The following GULP1 variants were observed in gnomAD, a reference collection of about 807,000 sequenced individuals.
GULP1 encodes GULP PTB domain containing engulfment adaptor 1.
GULP1 carries 19 observed loss-of-function variants against 40.9 expected under a neutral mutation model. That is an observed-to-expected ratio of 0.46 (90% CI 0.32 to 0.68). The LOEUF (loss-of-function observed/expected upper bound fraction) is 0.68. GULP1 is among the 30% of genes least tolerant of loss of function. GULP1 has a pLI of 0.03. For missense variants in GULP1, 312 were observed against 362.2 expected (o/e 0.86, Z 1.12); for synonymous variants, 119 against 117.6 (o/e 1.01, Z -0.08).
intron 11 of GULP1, 141 bp from the exon 12 acceptor site, chr2:188,593,799 G>T: frequency 1.7e-6 from 1 of 583,752 alleles, no homozygotes; most frequent in Non-Finnish European, 3.1e-6. Flanking sequence ...TAAAAATTCA[G>T]CAAGTCAACA....
At chr2:188,546,510 A>T (rs1010239520) in intron 7 of GULP1, among the ~76,000 whole-genome samples, 7 of 152,084 alleles carry the variant, frequency 4.6e-5, no homozygotes, top group Admixed American at 4.6e-4. Flanking sequence ...TAATTTTGCG[A>T]ATTGAATAAA....
In GULP1 at chr2:188,329,246, G is replaced by A. The variant is rs185703870; in HGVS notation, c.-172+37080G>A. ...CCATGCCAATGGTTCTATATTTTACGTTCTGGTTTTATTACATCCCTCTTG... is the reference window on the plus strand; with the variant it reads ...CCATGCCAATGGTTCTATATTTTACATTCTGGTTTTATTACATCCCTCTTG... On this transcript the variant is annotated intron_variant, in intron 1 of 11. Coordinates refer to ENST00000409830, the MANE Select transcript of GULP1 (RefSeq NM_016315.4). Among the ~76,000 whole-genome samples, 29 of 151,624 alleles carry A rather than the reference G, an allele frequency of 1.9e-4. No homozygotes were observed. The East Asian group carries it at 3.3e-3, about 17-fold the overall frequency.
chr2:188,357,160 G>A (rs181421991), intron 1 of GULP1, among the ~76,000 whole-genome samples: 42 of 152,174 alleles, frequency 2.8e-4, no homozygotes, highest in Admixed American at 2.5e-3. Context: ...AAGATTTTAC[G>A]AATATGACCT....
intron 2 of GULP1, among the ~76,000 whole-genome samples, chr2:188,409,740 T>C (rs1340968730): frequency 6.6e-6 from 1 of 152,136 alleles, no homozygotes; most frequent in Non-Finnish European, 1.5e-5. Flanking sequence ...TTCAACAGCA[T>C]GTTAAAAGAA....
intron 4 of GULP1, among the ~76,000 whole-genome samples, chr2:188,500,135 T>C (rs1372181841): frequency 6.6e-6 from 1 of 151,964 alleles, no homozygotes; most frequent in African/African-American, 2.4e-5. Flanking sequence ...TGAGTTTATT[T>C]AGGATGAATC....
chr2:188,294,181 CCTTA>C (rs2034421908), intron 1 of GULP1: 3 of 152,118 alleles, frequency 2.0e-5, no homozygotes, highest in Admixed American at 6.5e-5. Flanking sequence ...TTGACTTCGG[CCTTA>C]CTTTGTTTTC....
At chr2:188,471,868 G>A (rs1004651922) in intron 2 of GULP1, among the ~76,000 whole-genome samples, 3 of 152,038 alleles carry the variant, frequency 2.0e-5, no homozygotes, top group Admixed American at 2.0e-4. Flanking sequence ...TGTGAGTTTT[G>A]TATCTTTGGT....
chr2:188,356,318 T>C (rs1378413397), intron 1 of GULP1, among the ~76,000 whole-genome samples: 1 of 152,068 alleles, frequency 6.6e-6, no homozygotes, highest in African/African-American at 2.4e-5. Flanking sequence ...ATTCTTAGAA[T>C]TGATCAACAA....
intron 2 of GULP1, among the ~76,000 whole-genome samples, chr2:188,476,788 A>G (rs763105687): frequency 1.1e-4 from 16 of 152,110 alleles, no homozygotes; most frequent in Non-Finnish European, 1.0e-4. Context: ...GACCCCAAAT[A>G]TAGATTACAA....
chr2:188,297,237 C>T (rs920480845), intron 1 of GULP1, among the ~76,000 whole-genome samples: 2 of 151,588 alleles, frequency 1.3e-5, no homozygotes, highest in African/African-American at 4.8e-5. Flanking sequence ...TTGGCAAGAT[C>T]TTCTACCTAC....
At chr2:188,366,903 A>G (rs1450556458) in intron 1 of GULP1, among the ~76,000 whole-genome samples, 1 of 151,526 alleles carries the variant, frequency 6.6e-6, no homozygotes, top group Non-Finnish European at 1.5e-5. Context: ...CCAATTTGTT[A>G]AATCCTTGCA....
rs1163639777 is a variant in GULP1, at chr2:188,483,417, A to AT, written c.29-8dup. 2.8e-6 allele frequency: 4 copies of AT among 1,436,006 alleles called. No individual in the cohort carries two copies. Among genetic ancestry groups the AT allele is most frequent in the East Asian group, 2.3e-5 (1 of 43,258 alleles). 89.0% of individuals were successfully genotyped at this position (1,436,006 alleles called of 1,614,324 possible). ...GGAAACCTAAAATTTAACTCTGTGT[A>AT]TTTTTTATTGCAGACAAAACATGGA... On this transcript the variant is annotated splice_polypyrimidine_tract_variant and intron_variant, in intron 3 of 11. Transcript: ENST00000409830.
intron 9 of GULP1, among the ~76,000 whole-genome samples, chr2:188,577,664 CT>C (rs1484339253): frequency 9.9e-5 from 15 of 152,060 alleles, no homozygotes; most frequent in Non-Finnish European, 2.2e-4. Flanking sequence ...ATCCATTTAA[CT>C]TGAAAGATTC....
chr2:188,400,653 A>T (rs758007090), intron 2 of GULP1, among the ~76,000 whole-genome samples: 1 of 152,226 alleles, frequency 6.6e-6, no homozygotes, highest in African/African-American at 2.4e-5. Context: ...GGAGACAAGG[A>T]GTAACTAAGC....
At chr2:188,500,125 T>C (rs185541474) in intron 4 of GULP1, among the ~76,000 whole-genome samples, 104 of 151,978 alleles carry the variant, frequency 6.8e-4, no homozygotes, top group Non-Finnish European at 1.1e-3. Context: ...TAATCTTATT[T>C]GAGTTTATTT....
At chr2:188,485,318 G>A (rs977561718) in intron 4 of GULP1, among the ~76,000 whole-genome samples, 2 of 152,016 alleles carry the variant, frequency 1.3e-5, no homozygotes, top group Non-Finnish European at 2.9e-5. Context: ...TCTACAGGAA[G>A]TAGAGGGTGC....
chr2:188,453,356 T>C (rs2058991238), intron 2 of GULP1, among the ~76,000 whole-genome samples: 1 of 152,138 alleles, frequency 6.6e-6, no homozygotes, highest in Admixed American at 6.6e-5. Flanking sequence ...TGTTTTATCC[T>C]AAAGTATTTA....
chr2:188,510,873 AC>A, intron 4 of GULP1, among the ~76,000 whole-genome samples: 1 of 151,706 alleles, frequency 6.6e-6, no homozygotes, highest in Admixed American at 6.6e-5. Context: ...TGCTTCAAGA[AC>A]CAAAACCCAA....
At chr2:188,471,986 C>G (rs1283023572) in intron 2 of GULP1, among the ~76,000 whole-genome samples, 1 of 152,162 alleles carries the variant, frequency 6.6e-6, no homozygotes. Flanking sequence ...TATTGTTTGT[C>G]TGGGAAAGTC....
Sources: gnomAD v4.1 joint callset for allele counts (sites outside exome capture counted in the v4.1 genomes callset) on GRCh38, gnomAD v4.1.1 for gene constraint, MANE v1.5 for transcripts, NCBI Gene and HGNC (gene_info 2026-07-23, HGNC 2026-07-21) for gene names.